CDH23: variants seen among roughly 807,000 people sequenced by gnomAD.
CDH23 encodes cadherin related 23.
Under a neutral mutation model 317.1 loss-of-function variants are expected in CDH23, and 189 were observed. The ratio of observed to expected loss-of-function variants is 0.60; its 90% confidence interval spans 0.53 to 0.67. The LOEUF is 0.67. CDH23 is among the 30% of genes least tolerant of loss of function. The pLI is 0.00. For synonymous variants in CDH23, 1,839 were observed against 1,876.8 expected (o/e 0.98, Z 0.52); for missense variants, 4,401 against 4,592.4 (o/e 0.96, Z 1.20).
At chr10:71,730,340 G>C (rs1418703743) in intron 30 of CDH23, 129 bp from the exon 31 acceptor site, 1 of 1,179,896 alleles carries the variant, frequency 8.5e-7, no homozygotes, top group Non-Finnish European at 1.2e-6. Context: ...ACAGGCCTGG[G>C]GTCCTAGAGG....
chr10:71,443,217 G>T (rs1849985070), intron 2 of CDH23, among the ~76,000 whole-genome samples: 1 of 152,150 alleles, frequency 6.6e-6, no homozygotes, highest in Non-Finnish European at 1.5e-5. Flanking sequence ...CTGGAATCTG[G>T]ACCCTCCACT....
At chr10:71,695,015 A>G (rs1408997173) in intron 21 of CDH23, among the ~76,000 whole-genome samples, 2 of 152,168 alleles carry the variant, frequency 1.3e-5, no homozygotes, top group Non-Finnish European at 2.9e-5. Context: ...AGAGCCCTAT[A>G]AATAATGTAC....
At chr10:71,584,113 C>A (rs1489397512) in intron 9 of CDH23, among the ~76,000 whole-genome samples, 5 of 152,290 alleles carry the variant, frequency 3.3e-5, no homozygotes, top group Admixed American at 6.5e-5. Flanking sequence ...TCTAAAGGAG[C>A]GTGTGTTCTC....
intron 14 of CDH23, among the ~76,000 whole-genome samples, chr10:71,671,104 C>A (rs1864127100): frequency 6.6e-6 from 1 of 151,982 alleles, no homozygotes; most frequent in Non-Finnish European, 1.5e-5. Flanking sequence ...GGACTACAGG[C>A]AATTGCCACC....
chr10:71,767,479 G>A (rs958671909), intron 38 of CDH23, among the ~76,000 whole-genome samples: 10 of 152,220 alleles, frequency 6.6e-5, no homozygotes, highest in African/African-American at 2.2e-4. Context: ...AAAAGGTCCC[G>A]TCCTTGGTCT....
At chr10:71,681,886 C>CCCTGGCAT (rs1171070443) in intron 17 of CDH23, among the ~76,000 whole-genome samples, 12 of 152,214 alleles carry the variant, frequency 7.9e-5, no homozygotes, top group African/African-American at 2.7e-4. Flanking sequence ...GCCTGGTCCT[C>CCCTGGCAT]CCTGGCATCC....
intron 6 of CDH23, among the ~76,000 whole-genome samples, chr10:71,523,618 G>A (rs1048070752): frequency 2.0e-5 from 3 of 152,190 alleles, no homozygotes; most frequent in African/African-American, 4.8e-5. Flanking sequence ...AAATAAGTGA[G>A]CAAGCCTTAG....
chr10:71,675,814 C>A (rs1864338213), intron 15 of CDH23, among the ~76,000 whole-genome samples: 1 of 152,124 alleles, frequency 6.6e-6, no homozygotes, highest in East Asian at 1.9e-4. Flanking sequence ...CTTGCCCCAT[C>A]ACCCTTCATG....
chr10:71,804,471 C>A (rs534081102), intron 55 of CDH23, among the ~76,000 whole-genome samples: 1 of 152,158 alleles, frequency 6.6e-6, no homozygotes. Context: ...TGTTCTTTGT[C>A]CCCCAAACTC....
At chr10:71,444,266 A>G (rs1850050117) in intron 2 of CDH23, among the ~76,000 whole-genome samples, 1 of 152,258 alleles carries the variant, frequency 6.6e-6, no homozygotes, top group Non-Finnish European at 1.5e-5. Context: ...ATGTAATCTC[A>G]TTTAATCCTC....
chr10:71,639,941 T>G (rs1228918726), intron 11 of CDH23, among the ~76,000 whole-genome samples: 4 of 152,104 alleles, frequency 2.6e-5, no homozygotes, highest in Admixed American at 1.3e-4. Flanking sequence ...AGGCTGAGCA[T>G]TTTAGAGGAC....
At chr10:71,704,062 T>C (rs1244969107) in intron 24 of CDH23, among the ~76,000 whole-genome samples, 2 of 151,878 alleles carry the variant, frequency 1.3e-5, no homozygotes, top group Non-Finnish European at 2.9e-5. Flanking sequence ...CTCCAGGGGG[T>C]AGAGCTGTGC....
chr10:71,768,373 G>A (rs1342772466), intron 38 of CDH23, among the ~76,000 whole-genome samples: 7 of 152,104 alleles, frequency 4.6e-5, no homozygotes, highest in Admixed American at 3.3e-4. Flanking sequence ...GTTTCACCAC[G>A]TTGGCCAGGC....
At position 71,677,561 on chromosome 10, in the gene CDH23, C is replaced by T. The variant is rs374231594; in HGVS notation, c.1620C>T (p.Gly540=). The T allele has an allele frequency of 1.0e-4, 163 of 1,611,194 alleles. 1 individual carries two copies. The South Asian group carries it at 1.3e-3, about 13-fold the overall frequency. ...TLTIIARDGG[G]EETTGRVRIN... ...CGATCATTGCCCGGGACGGGGGCGG[C>T]GAGGAGACCACAGGCCGGGTCAGGA... The change falls in exon 16 of 70, where the codon GGC becomes GGT. Residue 540 remains glycine (G), a synonymous_variant. Coordinates refer to ENST00000224721, the MANE Select transcript of CDH23 (RefSeq NM_022124.6).
intron 6 of CDH23, among the ~76,000 whole-genome samples, chr10:71,513,862 G>A (rs1200740448): frequency 6.6e-6 from 1 of 152,102 alleles, no homozygotes; most frequent in East Asian, 1.9e-4. Context: ...GCAGGATGGC[G>A]GAGAAGCTCT....
chr10:71,432,414 T>TGTGA (rs1849428700), intron 1 of CDH23, among the ~76,000 whole-genome samples: 1 of 146,924 alleles, frequency 6.8e-6, no homozygotes, highest in East Asian at 2.0e-4. Flanking sequence ...TGTGTGTGTG[T>TGTGA]GAGTGTGTGG....
At chr10:71,494,648 G>C (rs994030790) in intron 3 of CDH23, among the ~76,000 whole-genome samples, 2 of 152,246 alleles carry the variant, frequency 1.3e-5, no homozygotes, top group Admixed American at 6.5e-5. Context: ...GGCCGGGACT[G>C]CGGTGAAGCA....
intron 14 of CDH23, among the ~76,000 whole-genome samples, chr10:71,662,874 G>T (rs1863736487): frequency 6.6e-6 from 1 of 152,190 alleles, no homozygotes. Context: ...AAATGGAGGG[G>T]CTGGCAGGGC....
intron 48 of CDH23, chr10:71,796,733 A>C (rs1379317211): frequency 4.9e-6 from 1 of 204,602 alleles, no homozygotes; most frequent in Admixed American, 5.4e-5. Flanking sequence ...TGTGCCACGC[A>C]CTGTTCTAAG....
Sources: gnomAD v4.1 joint callset for allele counts (sites outside exome capture counted in the v4.1 genomes callset) on GRCh38, gnomAD v4.1.1 for gene constraint, MANE v1.5 for transcripts, NCBI Gene and HGNC (gene_info 2026-07-23, HGNC 2026-07-21) for gene names.